Variants in RNF41 observed in about 807,000 individuals in gnomAD.
The protein encoded by RNF41 is E3 ubiquitin-protein ligase NRDP1.
Under a neutral mutation model 33.0 loss-of-function variants are expected in RNF41, and 4 were observed. That is an observed-to-expected ratio of 0.12 (90% CI 0.06 to 0.28). The LOEUF is 0.28. RNF41 is among the 10% of genes least tolerant of loss of function. The pLI is 1.00. For synonymous variants in RNF41, 164 were observed against 153.2 expected, an observed-to-expected ratio of 1.07 and a Z score of -0.52; for missense variants, 228 against 432.6, an observed-to-expected ratio of 0.53 and a Z score of 4.19.
intron 1 of RNF41, among the ~76,000 whole-genome samples, chr12:56,221,266 T>C (rs1002043517): frequency 3.3e-5 from 5 of 152,034 alleles, no homozygotes; most frequent in South Asian, 4.1e-4. Flanking sequence ...GTGAGATTCC[T>C]TCATGGAGGG....
rs1868254152 is a variant in RNF41 at position 56,205,608 on chromosome 12, A to T, written c.*839T>A. 6.6e-6 allele frequency: 1 copy of T among 152,460 alleles called. No homozygotes were observed. Among genetic ancestry groups the T allele is most frequent in the South Asian group, 2.1e-4 (1 of 4,820 alleles). The allele number at this position is 152,460 out of a possible 1,614,324, so 9.4% of individuals were successfully genotyped here. A position where few individuals can be genotyped will look rare whatever the true frequency, so the allele number is the denominator to read the frequency against. ...TAGGTGGAGTTTGTGAAATATAAAC[A>T]AACAATGGCCAAAGAAAATTATCAA... On this transcript the variant is annotated 3_prime_UTR_variant, in exon 7 of 7. Transcript: ENST00000345093.
intron 2 of RNF41, among the ~76,000 whole-genome samples, chr12:56,214,404 C>T (rs1431289491): frequency 2.6e-4 from 39 of 151,490 alleles, no homozygotes; most frequent in Non-Finnish European, 1.5e-5. Flanking sequence ...TCTGTAATCC[C>T]AGCTACTCGG....
rs780145933 is a variant in RNF41 at position 56,210,477 on chromosome 12, G to A, written c.182C>T (p.Thr61Met). The stretch of plus-strand genomic sequence containing the variant: ...AGGTACTGGGCGCAGATGGGCGACC[G>A]TCACAACACTACGGTCCACTGGACA... Reference protein sequence around the residue: ...QTCPVDRSVVTVAHLRPVPRI... With the variant: ...QTCPVDRSVVMVAHLRPVPRI... Residue 61 changes from threonine (T) to methionine (M), a missense_variant, in exon 4 of 7, where the codon ACG becomes ATG. By Grantham distance (81) the Thr-to-Met change is moderately conservative (BLOSUM62 -1). This residue lies in a region of RNF41 where 29 missense variants were observed against 98.0 expected (regional missense o/e 0.30). Coordinates refer to ENST00000345093, the MANE Select transcript of RNF41 (RefSeq NM_005785.4). 4.3e-6 allele frequency: 7 copies of A among 1,614,196 alleles called. No individual in the cohort carries two copies. The highest frequency in any genetic ancestry group is 2.2e-5 in the South Asian group (2 of 91,092).
intron 3 of RNF41, among the ~76,000 whole-genome samples, chr12:56,212,423 T>C (rs1868549999): frequency 1.3e-5 from 2 of 152,308 alleles, no homozygotes; most frequent in Admixed American, 1.3e-4. Flanking sequence ...TCATGAGGGT[T>C]GCCTGCTCTG....
At chr12:56,219,677 G>A (rs1475567162) in intron 1 of RNF41, among the ~76,000 whole-genome samples, 6 of 14,942 alleles carry the variant, frequency 4.0e-4, no homozygotes, top group Non-Finnish European at 1.6e-3. Context: ...ATATACACGC[G>A]CGCACCCCTT....
chr12:56,210,577 G>C lies in RNF41; in HGVS notation c.91-9C>G. The C allele has an allele frequency of 1.9e-6, 3 of 1,610,406 alleles. No individual in the cohort carries two copies. The highest frequency in any genetic ancestry group is 2.5e-6 in the Non-Finnish European group (3 of 1,179,592). On this transcript the variant is annotated splice_polypyrimidine_tract_variant and intron_variant, in intron 3 of 6. Transcript: ENST00000345093. ...TGTTCACAATGAGGTGCCTAGAAGA[G>C]AGAACAAGGCAAAAGGGGCGCAAGG...
chr12:56,217,875 G>A (rs558848416), intron 1 of RNF41, among the ~76,000 whole-genome samples: 10 of 152,178 alleles, frequency 6.6e-5, no homozygotes, highest in African/African-American at 1.4e-4. Flanking sequence ...CCATCCCCTC[G>A]CCCACCATCT....
At chr12:56,219,041 C>G (rs968059533) in intron 1 of RNF41, among the ~76,000 whole-genome samples, 1 of 150,954 alleles carries the variant, frequency 6.6e-6, no homozygotes, top group South Asian at 2.1e-4. Context: ...CTTCCTCTGT[C>G]GCTCAGGATG....
rs1034878377 is a variant in RNF41, at chr12:56,205,580, C to A, written c.*867G>T. On this transcript the variant is annotated 3_prime_UTR_variant, in exon 7 of 7. Coordinates refer to ENST00000345093, the MANE Select transcript of RNF41 (RefSeq NM_005785.4). ...TTCTTAAAAAAAAGAGGGGGGGGGG[C>A]AGTAGGTGGAGTTTGTGAAATATAA... is the stretch of plus-strand genomic sequence containing the variant. 3 of 132,502 alleles carry A rather than the reference C, an allele frequency of 2.3e-5. No homozygotes were observed. The highest frequency in any genetic ancestry group is 7.7e-5 in the Admixed American group (1 of 13,042). The allele number at this position is 132,502 out of a possible 1,614,324, so 8.2% of individuals were successfully genotyped here.
At chr12:56,214,520 TAAAA>T (rs35169878) in intron 2 of RNF41, among the ~76,000 whole-genome samples, 1 of 132,446 alleles carries the variant, frequency 7.6e-6, no homozygotes, top group Admixed American at 7.6e-5. Flanking sequence ...CCTCAGTCTC[TAAAA>T]AAAAAAAAAA....
intron 4 of RNF41, 76 bp from the exon 5 acceptor site, chr12:56,208,374 A>G: frequency 6.6e-7 from 1 of 1,510,280 alleles, no homozygotes. Flanking sequence ...ATTCTGTGGC[A>G]GATAACTGCT....
intron 2 of RNF41, among the ~76,000 whole-genome samples, chr12:56,214,596 G>T (rs534080094): frequency 6.8e-6 from 1 of 147,890 alleles, no homozygotes; most frequent in Non-Finnish European, 1.5e-5. Flanking sequence ...TGGGAGGCCG[G>T]GACAGGCAGA....
In RNF41 at chr12:56,207,546, C is replaced by T. The variant is rs1868294362; in HGVS notation, c.602+100G>A. ...ATCTGAGAAGCAGTGACCCCCAGCCCAGCTCTCCAATGCCCTCCTTCTGCT... is the reference window on the plus strand; with the variant it reads ...ATCTGAGAAGCAGTGACCCCCAGCCTAGCTCTCCAATGCCCTCCTTCTGCT... On this transcript the variant is annotated intron_variant, in intron 6 of 6. Coordinates refer to ENST00000345093, the MANE Select transcript of RNF41 (RefSeq NM_005785.4). 6.3e-6 allele frequency: 6 copies of T among 947,220 alleles called. No individual in the cohort carries two copies. In the South Asian group the frequency reaches 7.8e-5, roughly 12 times the overall value. 58.7% of individuals were successfully genotyped at this position (947,220 alleles called of 1,614,324 possible).
At chr12:56,211,691 G>T (rs1468785130) in intron 3 of RNF41, among the ~76,000 whole-genome samples, 1 of 152,138 alleles carries the variant, frequency 6.6e-6, no homozygotes, top group Non-Finnish European at 1.5e-5. Flanking sequence ...AAGAAAGCTA[G>T]GCCAGGCATG....
At chr12:56,213,412 A>G (rs774588272) in intron 3 of RNF41, among the ~76,000 whole-genome samples, 4 of 152,006 alleles carry the variant, frequency 2.6e-5, no homozygotes, top group Non-Finnish European at 4.4e-5. Context: ...GTTGGCCAGG[A>G]TGGCTCTTGA....
intron 4 of RNF41, among the ~76,000 whole-genome samples, chr12:56,208,910 G>A (rs2135802383): frequency 7.4e-6 from 1 of 135,798 alleles, no homozygotes; most frequent in East Asian, 2.2e-4. Context: ...TGTCACCCAG[G>A]CTGGAGTGCA....
chr12:56,218,129 TTTTTAGTAGAGACGGGG>T (rs1869044249), intron 1 of RNF41, among the ~76,000 whole-genome samples: 1 of 151,860 alleles, frequency 6.6e-6, no homozygotes, highest in African/African-American at 2.4e-5. Flanking sequence ...AATTTTTGTA[TTTTTAGTAGAGACGGGG>T]TTTCACCATG....
intron 3 of RNF41, among the ~76,000 whole-genome samples, chr12:56,212,665 G>A (rs1402828818): frequency 6.6e-6 from 1 of 151,988 alleles, no homozygotes; most frequent in Admixed American, 6.6e-5. Context: ...GACTGCAAAG[G>A]CCTAGAAAGA....
rs1878724712 is a variant in RNF41 at position 56,204,058 on chromosome 12, C to T, written c.*2389G>A. ...TATGAAACCTCTGCAAGTACATTTC[C>T]CTCCTCACATTTACGTTCTTAGCTA... On this transcript the variant is annotated 3_prime_UTR_variant, in exon 7 of 7. Transcript: ENST00000345093. 6.6e-6 allele frequency: 1 copy of T among 152,124 alleles called. No homozygotes were observed. Among genetic ancestry groups the T allele is most frequent in the Non-Finnish European group, 1.5e-5 (1 of 68,022 alleles). 9.4% of individuals were successfully genotyped at this position (152,124 alleles called of 1,614,324 possible).
Sources: gnomAD v4.1 joint callset for allele counts (sites outside exome capture counted in the v4.1 genomes callset) on GRCh38, gnomAD v4.1.1 for gene constraint, gnomAD v4.1.1 regional missense constraint, MANE v1.5 for transcripts, NCBI Gene and HGNC (gene_info 2026-07-23, HGNC 2026-07-21) for gene names.